TASP1: variants seen among roughly 807,000 people sequenced by gnomAD.
TASP1 encodes threonine aspartase 1.
Under a neutral mutation model 56.6 loss-of-function variants are expected in TASP1, and 16 were observed. That is an observed-to-expected ratio of 0.28 (90% CI 0.19 to 0.43). TASP1 has a LOEUF of 0.43. TASP1 is among the 20% of genes least tolerant of loss of function. TASP1 has a pLI of 1.00. For missense variants in TASP1, 393 were observed against 511.6 expected (o/e 0.77, Z 2.24); for synonymous variants, 179 against 184.2 (o/e 0.97, Z 0.23).
rs1413125112 is a variant in TASP1, at chr20:13,438,555, G to T, written c.986-3401C>A. ...TAGACCTAAAACCATAAAAACCCTA[G>T]AAGAAAACCTAGGCAATACCATTCA... On this transcript the variant is annotated intron_variant, in intron 11 of 13. Transcript: ENST00000337743. 2.6e-5 allele frequency among the ~76,000 whole-genome samples: 4 copies of T among 152,152 alleles called. No homozygotes were observed. The East Asian group carries it at 5.8e-4, about 22-fold the overall frequency.
the TASP1 span, among the ~76,000 whole-genome samples, chr20:13,271,018 T>A: frequency 6.6e-6 from 1 of 152,112 alleles, no homozygotes; most frequent in Non-Finnish European, 1.5e-5. Flanking sequence ...ACATACTAAT[T>A]TAAGAGACAG....
chr20:13,625,562 C>A (rs1239022309), intron 2 of TASP1, among the ~76,000 whole-genome samples: 1 of 152,196 alleles, frequency 6.6e-6, no homozygotes, highest in African/African-American at 2.4e-5. Context: ...TTTTGATCTG[C>A]AGCTAATAAC....
chr20:13,435,917 A>G (rs2042986272), intron 11 of TASP1, among the ~76,000 whole-genome samples: 1 of 152,140 alleles, frequency 6.6e-6, no homozygotes, highest in Admixed American at 6.6e-5. Context: ...TAAACTTACT[A>G]TATTAAATAC....
the TASP1 span, among the ~76,000 whole-genome samples, chr20:13,262,722 T>A: frequency 6.6e-6 from 1 of 152,128 alleles, no homozygotes; most frequent in Non-Finnish European, 1.5e-5. Context: ...GACACACCAG[T>A]GAAGTGTTGA....
the TASP1 span, among the ~76,000 whole-genome samples, chr20:13,224,722 A>G: frequency 6.6e-6 from 1 of 152,224 alleles, no homozygotes; most frequent in African/African-American, 2.4e-5. Context: ...ATTTAAGGAT[A>G]TATCAAGGAC....
the TASP1 span, among the ~76,000 whole-genome samples, chr20:13,331,359 T>C: frequency 1.3e-5 from 2 of 152,198 alleles, no homozygotes; most frequent in African/African-American, 4.8e-5. Flanking sequence ...ATTCAAGACA[T>C]AGCTCAAATT....
the TASP1 span, among the ~76,000 whole-genome samples, chr20:13,237,624 A>G: frequency 6.6e-6 from 1 of 152,182 alleles, no homozygotes; most frequent in Non-Finnish European, 1.5e-5. Flanking sequence ...TGATCTAGGC[A>G]TTGGTTGCCT....
At chr20:13,348,667 T>C in the TASP1 span, among the ~76,000 whole-genome samples, 1 of 152,170 alleles carries the variant, frequency 6.6e-6, no homozygotes, top group East Asian at 1.9e-4. Flanking sequence ...TCTGGCTCCA[T>C]AGGTTTATTA....
the TASP1 span, among the ~76,000 whole-genome samples, chr20:13,267,508 G>C: frequency 6.6e-6 from 1 of 152,128 alleles, no homozygotes; most frequent in Admixed American, 6.5e-5. Flanking sequence ...CTAATCCTGC[G>C]GGGAGGGTAC....
the TASP1 span, among the ~76,000 whole-genome samples, chr20:13,201,903 G>A: frequency 3.0e-4 from 46 of 152,030 alleles, no homozygotes; most frequent in East Asian, 1.4e-3. Flanking sequence ...ACAGGCCTGC[G>A]CCACCATGCC....
At chr20:13,310,561 T>C in the TASP1 span, among the ~76,000 whole-genome samples, 6 of 152,022 alleles carry the variant, frequency 3.9e-5, no homozygotes, top group Non-Finnish European at 7.4e-5. Context: ...AAAGCAAAAA[T>C]AGGCAAACGG....
chr20:13,337,881 T>C, the TASP1 span, among the ~76,000 whole-genome samples: 8 of 152,178 alleles, frequency 5.3e-5, no homozygotes. Flanking sequence ...TTAGTACACA[T>C]GGAACTTACA....
the TASP1 span, among the ~76,000 whole-genome samples, chr20:13,161,289 G>C: frequency 6.6e-6 from 1 of 152,150 alleles, no homozygotes; most frequent in South Asian, 2.1e-4. Flanking sequence ...CAATGGGAGT[G>C]GGGGAATAGA....
At chr20:13,115,073 C>T in the TASP1 span, among the ~76,000 whole-genome samples, 1 of 151,822 alleles carries the variant, frequency 6.6e-6, no homozygotes, top group Non-Finnish European at 1.5e-5. Context: ...AAAAGAAAAA[C>T]ACAACCTTCC....
the TASP1 span, among the ~76,000 whole-genome samples, chr20:13,249,779 CGTTTTGTTTTGTTTT>C: frequency 0.16 from 23,268 of 141,576 alleles, 2,026 homozygotes; most frequent in African/African-American, 0.24. Context: ...TTTTTTGTTG[CGTTTTGTTTTGTTTT>C]GTTTTGTTTT....
chr20:13,214,538 CACACACACACACACACACACACACAG>C, the TASP1 span, among the ~76,000 whole-genome samples: 4 of 122,914 alleles, frequency 3.3e-5, no homozygotes, highest in African/African-American at 1.6e-4. Flanking sequence ...CACACACACA[CACACACACACACACACACACACACAG>C]AGAGAGAGAG....
chr20:13,563,425 G>A (rs1411994534), intron 7 of TASP1, among the ~76,000 whole-genome samples: 1 of 151,988 alleles, frequency 6.6e-6, no homozygotes, highest in Non-Finnish European at 1.5e-5. Flanking sequence ...TATGAGGCCA[G>A]CACTATCCTA....
intron 7 of TASP1, among the ~76,000 whole-genome samples, chr20:13,568,680 T>C (rs1314915532): frequency 1.3e-5 from 2 of 152,152 alleles, no homozygotes; most frequent in Non-Finnish European, 2.9e-5. Context: ...ATATTCTTAA[T>C]AATGCTCACT....
chr20:13,614,897 T>C (rs752417674), intron 4 of TASP1: 2 of 455,338 alleles, frequency 4.4e-6, no homozygotes, highest in Admixed American at 2.5e-5. Flanking sequence ...AAAAGACAAA[T>C]GTAGCTGTTT....
Sources: allele counts gnomAD v4.1 joint callset (sites outside exome capture counted in the v4.1 genomes callset), GRCh38; gene constraint gnomAD v4.1.1; transcripts MANE v1.5; gene names NCBI Gene and HGNC (gene_info 2026-07-23, HGNC 2026-07-21).